The following TEAD1 variants were observed in gnomAD, a reference collection of about 807,000 sequenced individuals.
The protein encoded by TEAD1 is TEA domain transcription factor 1.
Under a neutral mutation model 54.9 loss-of-function variants are expected in TEAD1, and 9 were observed. The observed-to-expected ratio is 0.16, with a 90% CI of 0.10 to 0.29. The LOEUF (loss-of-function observed/expected upper bound fraction) is 0.29, where lower values mean the gene tolerates loss of function less well. TEAD1 is among the 10% of genes least tolerant of loss of function. TEAD1 has a pLI of 1.00. For missense variants in TEAD1, 387 were observed against 535.9 expected (o/e 0.72, Z 2.74); for synonymous variants, 200 against 187.8 (o/e 1.07, Z -0.53).
chr11:12,906,510 C>T (rs1456323555), intron 10 of TEAD1, among the ~76,000 whole-genome samples: 1 of 148,432 alleles, frequency 6.7e-6, no homozygotes, highest in Non-Finnish European at 1.5e-5. Flanking sequence ...CCACTGCACT[C>T]TAGCCTGGGC....
chr11:12,829,690 A>G (rs1004168361), intron 3 of TEAD1, among the ~76,000 whole-genome samples: 1 of 152,204 alleles, frequency 6.6e-6, no homozygotes, highest in Admixed American at 6.5e-5. Flanking sequence ...TGCTTCTGCT[A>G]GCCTTTTACT....
chr11:12,922,363 A>AT (rs1322163126), intron 10 of TEAD1: 1 of 61,910 alleles, frequency 1.6e-5, no homozygotes, highest in African/African-American at 6.2e-5. Flanking sequence ...CGCCCGGCTA[A>AT]TTTTTTGTAT....
chr11:12,706,055 C>G (rs1943807765), intron 2 of TEAD1, among the ~76,000 whole-genome samples: 1 of 152,110 alleles, frequency 6.6e-6, no homozygotes, highest in South Asian at 2.1e-4. Context: ...GTTAGAGTAT[C>G]AATGATGAAA....
chr11:12,689,506 A>C (rs1172570702), intron 2 of TEAD1, among the ~76,000 whole-genome samples: 1 of 152,186 alleles, frequency 6.6e-6, no homozygotes, highest in Non-Finnish European at 1.5e-5. Flanking sequence ...AGGTTCAGTG[A>C]GGGTGAGCAC....
intron 10 of TEAD1, among the ~76,000 whole-genome samples, chr11:12,923,711 G>A (rs985919939): frequency 1.3e-5 from 2 of 152,146 alleles, no homozygotes; most frequent in African/African-American, 4.8e-5. Context: ...GATCGAATCT[G>A]TAGCATCTGG....
At chr11:12,691,755 C>T (rs1014090992) in intron 2 of TEAD1, among the ~76,000 whole-genome samples, 5 of 152,092 alleles carry the variant, frequency 3.3e-5, no homozygotes, top group African/African-American at 1.2e-4. Context: ...TGTTCTATTC[C>T]TTGTATACAT....
At chr11:12,702,925 T>C (rs1266472442) in intron 2 of TEAD1, among the ~76,000 whole-genome samples, 1 of 152,210 alleles carries the variant, frequency 6.6e-6, no homozygotes, top group Non-Finnish European at 1.5e-5. Flanking sequence ...AATATCAGCC[T>C]CATTTAATGA....
chr11:12,915,114 G>C (rs1458535116), intron 10 of TEAD1, among the ~76,000 whole-genome samples: 3 of 152,096 alleles, frequency 2.0e-5, no homozygotes, highest in African/African-American at 7.2e-5. Flanking sequence ...GCTCTTCCAA[G>C]CCCTCTGGAT....
chr11:12,695,050 A>C (rs1216773976), intron 2 of TEAD1, among the ~76,000 whole-genome samples: 1 of 152,372 alleles, frequency 6.6e-6, no homozygotes, highest in African/African-American at 2.4e-5. Flanking sequence ...AGCAAATGCA[A>C]AAGTTTGCCT....
intron 3 of TEAD1, among the ~76,000 whole-genome samples, chr11:12,803,236 T>C (rs1284644271): frequency 6.6e-6 from 1 of 152,094 alleles, no homozygotes; most frequent in African/African-American, 2.4e-5. Flanking sequence ...TTTCCATGAT[T>C]AGTCATCTTG....
intron 3 of TEAD1, among the ~76,000 whole-genome samples, chr11:12,789,159 G>A (rs916690121): frequency 2.0e-5 from 3 of 152,188 alleles, no homozygotes; most frequent in Non-Finnish European, 4.4e-5. Context: ...AGGGTTAGAT[G>A]TAACATTACT....
chr11:12,780,547 G>T (rs376202018), intron 3 of TEAD1, among the ~76,000 whole-genome samples: 49 of 152,150 alleles, frequency 3.2e-4, no homozygotes, highest in African/African-American at 1.1e-3. Context: ...CCTGCCACTC[G>T]ATTGTATTTC....
intron 3 of TEAD1, among the ~76,000 whole-genome samples, chr11:12,818,239 T>G (rs569031208): frequency 2.0e-5 from 3 of 152,348 alleles, no homozygotes; most frequent in African/African-American, 7.2e-5. Context: ...GTATCTCAAC[T>G]TAATCTTTTT....
chr11:12,795,051 A>AT (rs1945886041), intron 3 of TEAD1, among the ~76,000 whole-genome samples: 1 of 152,204 alleles, frequency 6.6e-6, no homozygotes, highest in Non-Finnish European at 1.5e-5. Context: ...AACAACAGGC[A>AT]TTTATTTTCT....
chr11:12,863,129 CTG>C (rs1947541599), intron 4 of TEAD1, among the ~76,000 whole-genome samples: 1 of 152,220 alleles, frequency 6.6e-6, no homozygotes, highest in East Asian at 1.9e-4. Context: ...ACCTTAAAAA[CTG>C]TAATCAGACC....
At chr11:12,888,009 G>A (rs1421201941) in intron 9 of TEAD1, among the ~76,000 whole-genome samples, 9 of 152,238 alleles carry the variant, frequency 5.9e-5, no homozygotes, top group Admixed American at 5.9e-4. Context: ...TAGTAGAGAA[G>A]AGAACTTATA....
chr11:12,689,909 CAACT>C (rs1408226688), intron 2 of TEAD1, among the ~76,000 whole-genome samples: 3 of 151,856 alleles, frequency 2.0e-5, no homozygotes, highest in African/African-American at 7.3e-5. Flanking sequence ...AAAAAACAAC[CAACT>C]ATTGATACCG....
chr11:12,686,912 C>T (rs1943346495), intron 2 of TEAD1, among the ~76,000 whole-genome samples: 1 of 152,122 alleles, frequency 6.6e-6, no homozygotes, highest in African/African-American at 2.4e-5. Context: ...GTGTTCAGTC[C>T]AGTGTTTCAG....
At chr11:12,886,335 C>T (rs933256214) in intron 9 of TEAD1, among the ~76,000 whole-genome samples, 8 of 152,192 alleles carry the variant, frequency 5.3e-5, no homozygotes, top group African/African-American at 1.9e-4. Flanking sequence ...CTTACATAGA[C>T]TCCACCACAT....
Sources: allele counts gnomAD v4.1 joint callset (sites outside exome capture counted in the v4.1 genomes callset), GRCh38; gene constraint gnomAD v4.1.1; transcripts MANE v1.5; gene names NCBI Gene and HGNC (gene_info 2026-07-23, HGNC 2026-07-21).